Variants in PVT1 observed in about 807,000 individuals in gnomAD.
PVT1 encodes the protein CXCR4/PVT1 fusion.
At chr8:127,916,725 G>A (rs762810144) in intron 3 of PVT1, among the ~76,000 whole-genome samples, 1 of 152,228 alleles carries the variant, frequency 6.6e-6, no homozygotes, top group African/African-American at 2.4e-5. Context: ...TGGCCTTCCT[G>A]GTGGGAAGTT....
Position 127,795,107 on chromosome 8 carries a change from C to CA in PVT1, n.194+374dup, listed in dbSNP as rs529097673. Among the ~76,000 whole-genome samples the CA allele has an allele frequency of 7.2e-5, 11 of 152,284 alleles. No individual in the cohort carries two copies. The South Asian group carries it at 2.3e-3, about 32-fold the overall frequency. The stretch of plus-strand genomic sequence containing the variant: ...GTCTGTGAATGTGTGATCCTCCCTC[C>CA]ATCCTTTGACCATCACTCCCCGCTT... On this transcript the variant is annotated intron_variant and non_coding_transcript_variant, in intron 1 of 10. Coordinates refer to ENST00000651587, the Ensembl canonical transcript of PVT1.
chr8:127,805,365 T>C (rs1192547650), intron 2 of PVT1, among the ~76,000 whole-genome samples: 5 of 151,974 alleles, frequency 3.3e-5, no homozygotes, highest in African/African-American at 1.2e-4. Flanking sequence ...TTTCAGTTAA[T>C]TAAAAAAAAA....
intron 3 of PVT1, among the ~76,000 whole-genome samples, chr8:127,891,566 G>T (rs999065408): frequency 3.9e-5 from 6 of 152,212 alleles, no homozygotes; most frequent in Admixed American, 3.3e-4. Context: ...GCAGTGAAGG[G>T]TTAAGTATTA....
rs186059362 is a variant in PVT1 at position 127,838,972 on chromosome 8, A to C, written n.372+42901A>C. Among the ~76,000 whole-genome samples the C allele has an allele frequency of 5.9e-5, 9 of 152,260 alleles. No homozygotes were observed. In the East Asian group the frequency reaches 1.7e-3, roughly 29 times the overall value. ...ATACACAAATGCTCACCATTGTATT[A>C]AGTTGACTCCGATGTTCAGTACAGT... On this transcript the variant is annotated intron_variant and non_coding_transcript_variant, in intron 2 of 10. Transcript: ENST00000651587.
intron 2 of PVT1, among the ~76,000 whole-genome samples, chr8:127,832,589 T>G (rs545506050): frequency 6.6e-6 from 1 of 152,258 alleles, no homozygotes; most frequent in East Asian, 1.9e-4. Flanking sequence ...CCGGGTGTGG[T>G]GGCTCACGCC....
At chr8:127,893,852 G>A (rs1586425180) in intron 3 of PVT1, among the ~76,000 whole-genome samples, 1 of 152,222 alleles carries the variant, frequency 6.6e-6, no homozygotes, top group Admixed American at 6.5e-5. Context: ...ATACGAGGAT[G>A]TAGCTGGGCA....
chr8:127,970,285 A>ATTTTT (rs1321419703), intron 3 of PVT1, among the ~76,000 whole-genome samples: 91 of 26,728 alleles, frequency 3.4e-3, no homozygotes, highest in East Asian at 5.9e-3. Context: ...ATCTGCCATG[A>ATTTTT]TTTGTTTTTT....
intron 2 of PVT1, among the ~76,000 whole-genome samples, chr8:127,864,394 G>A (rs961778825): frequency 2.6e-5 from 4 of 152,276 alleles, no homozygotes; most frequent in East Asian, 3.9e-4. Context: ...GAGGCCTGCC[G>A]TCAGGGTTTG....
intron 3 of PVT1, among the ~76,000 whole-genome samples, chr8:127,908,130 G>T (rs1815845388): frequency 6.6e-6 from 1 of 151,952 alleles, no homozygotes; most frequent in Non-Finnish European, 1.5e-5. Flanking sequence ...TTCTTTTTGT[G>T]TGTTGGGTGA....
chr8:127,862,759 C>CT (rs1815241962), intron 2 of PVT1, among the ~76,000 whole-genome samples: 1 of 152,174 alleles, frequency 6.6e-6, no homozygotes, highest in South Asian at 2.1e-4. Flanking sequence ...AGTTGCTTTT[C>CT]TTTGACTACT....
chr8:127,871,858 G>A (rs1815355080), intron 2 of PVT1, among the ~76,000 whole-genome samples: 1 of 152,226 alleles, frequency 6.6e-6, no homozygotes, highest in Non-Finnish European at 1.5e-5. Flanking sequence ...GGAGGCCAAG[G>A]CAGGCGGATC....
rs71300266 is a variant in PVT1 at position 127,798,704 on chromosome 8, CAAAAAAAA to C, written n.372+2648_372+2655del. On this transcript the variant is annotated intron_variant and non_coding_transcript_variant, in intron 2 of 10. Transcript: ENST00000651587. ...TGAAACCCTGTCTCTACTAAAAATA[CAAAAAAAA>C]AAAAAAAAAAAAAATTAGCCCGGCG... Among the ~76,000 whole-genome samples the C allele has an allele frequency of 3.3e-4, 36 of 110,432 alleles. No homozygotes were observed. The South Asian group carries it at 4.0e-3, about 12-fold the overall frequency. The allele number at this position is 110,432 out of a possible 152,430, so 72.4% of individuals were successfully genotyped here.
At chr8:128,082,306 G>T (rs1406445230) in intron 5 of PVT1, among the ~76,000 whole-genome samples, 4 of 152,234 alleles carry the variant, frequency 2.6e-5, no homozygotes, top group Non-Finnish European at 5.9e-5. Flanking sequence ...AAAGCCACAT[G>T]TGTGTCCATC....
At chr8:127,975,335 A>G (rs1816811726) in intron 3 of PVT1, among the ~76,000 whole-genome samples, 1 of 152,226 alleles carries the variant, frequency 6.6e-6, no homozygotes, top group Admixed American at 6.5e-5. Flanking sequence ...GCTTAAAAAA[A>G]TTATCATTCA....
chr8:127,846,980 CTTTTTTTT>C (rs34437112), intron 2 of PVT1, among the ~76,000 whole-genome samples: 22 of 62,428 alleles, frequency 3.5e-4, no homozygotes, highest in African/African-American at 1.6e-3. Flanking sequence ...TGCACATGGC[CTTTTTTTT>C]TTTTTTTTTT....
intron 2 of PVT1, among the ~76,000 whole-genome samples, chr8:127,827,382 G>A (rs1160890962): frequency 1.3e-5 from 2 of 152,096 alleles, no homozygotes; most frequent in African/African-American, 2.4e-5. Context: ...GTTAGACTGA[G>A]TCCTAGACAC....
intron 3 of PVT1, among the ~76,000 whole-genome samples, chr8:127,926,041 G>A (rs905227553): frequency 1.3e-5 from 2 of 152,128 alleles, no homozygotes; most frequent in Non-Finnish European, 2.9e-5. Flanking sequence ...GGAGAGAGGC[G>A]TGGAGAAAAG....
intron 4 of PVT1, among the ~76,000 whole-genome samples, chr8:128,012,318 G>A (rs943790775): frequency 1.3e-5 from 2 of 152,108 alleles, no homozygotes; most frequent in Non-Finnish European, 1.5e-5. Flanking sequence ...TTTCCAAGGT[G>A]GAAATAATAT....
At chr8:127,989,325 C>T (rs969201408) in intron 4 of PVT1, 1 of 151,804 alleles carries the variant, frequency 6.6e-6, no homozygotes, top group African/African-American at 2.4e-5. Context: ...CCTTGTGAAA[C>T]CAAAAATAGC....
Sources: gnomAD v4.1 joint callset for allele counts (sites outside exome capture counted in the v4.1 genomes callset) on GRCh38, gnomAD v4.1.1 for gene constraint, MANE v1.5 for transcripts, NCBI Gene and HGNC (gene_info 2026-07-23, HGNC 2026-07-21) for gene names.